ANKRD6: variants seen among roughly 807,000 people sequenced by gnomAD.
ANKRD6 encodes ankyrin repeat domain 6, also known as ankyrin repeat domain-containing protein 6.
ANKRD6 carries 56 observed loss-of-function variants against 82.3 expected under a neutral mutation model. The observed-to-expected ratio is 0.68, with a 90% CI of 0.55 to 0.85. The LOEUF (loss-of-function observed/expected upper bound fraction) is 0.85. ANKRD6 is among the 40% of genes least tolerant of loss of function. ANKRD6 has a pLI of 0.00. For missense variants in ANKRD6, 852 were observed against 907.6 expected (o/e 0.94, Z 0.79); for synonymous variants, 347 against 352.1 (o/e 0.99, Z 0.16).
intron 7 of ANKRD6, among the ~76,000 whole-genome samples, chr6:89,615,529 C>T (rs1256935980): frequency 6.6e-6 from 1 of 152,210 alleles, no homozygotes; most frequent in East Asian, 1.9e-4. Context: ...ATGAATTCAG[C>T]ATCTCTGAGA....
intron 8 of ANKRD6, 76 bp downstream of exon 8, chr6:89,616,733 C>A: frequency 7.2e-7 from 1 of 1,388,014 alleles, no homozygotes; most frequent in Non-Finnish European, 1.0e-6. Context: ...TAAACCCCTG[C>A]AGACCCCCAG....
At chr6:89,533,727 AGTGTGTGT>A (rs59064465) in intron 1 of ANKRD6, among the ~76,000 whole-genome samples, 6,199 of 142,052 alleles carry the variant, frequency 0.044, 156 homozygotes, top group Non-Finnish European at 0.051. Context: ...AGAGAAAATG[AGTGTGTGT>A]GTGTGTGTGT....
At chr6:89,469,358 A>T (rs1775198245) in intron 1 of ANKRD6, among the ~76,000 whole-genome samples, 1 of 152,142 alleles carries the variant, frequency 6.6e-6, no homozygotes, top group Admixed American at 6.5e-5. Flanking sequence ...TCCATGTCAA[A>T]TCCTTTCAAT....
intron 1 of ANKRD6, among the ~76,000 whole-genome samples, chr6:89,534,375 TAAAG>T (rs1458582801): frequency 6.6e-6 from 1 of 151,892 alleles, no homozygotes; most frequent in Non-Finnish European, 1.5e-5. Context: ...AAGAAAAGAA[TAAAG>T]AAAACCCATC....
intron 1 of ANKRD6, among the ~76,000 whole-genome samples, chr6:89,502,672 CCT>C (rs1209272658): frequency 6.6e-6 from 1 of 152,160 alleles, no homozygotes; most frequent in Non-Finnish European, 1.5e-5. Context: ...GCTTTCCTTA[CCT>C]GACGGGACCC....
chr6:89,579,398 T>A lies in ANKRD6; in HGVS notation c.120+12302T>A, dbSNP rs544806360. ...TGTGGTCCAAGTATCAGGCAGGGAG[T>A]CCTGAGTGGAAGACACAAGGCCATT... On this transcript the variant is annotated intron_variant, in intron 2 of 15. Coordinates refer to ENST00000339746, the MANE Select transcript of ANKRD6 (RefSeq NM_001242809.2). Among the ~76,000 whole-genome samples, 417 of 151,824 alleles carry A rather than the reference T, an allele frequency of 2.7e-3. 3 individuals carry two copies. The highest frequency in any genetic ancestry group is 9.4e-3 in the African/African-American group (388 of 41,392).
intron 5 of ANKRD6, among the ~76,000 whole-genome samples, chr6:89,608,774 C>T (rs936615289): frequency 1.3e-4 from 20 of 152,234 alleles, no homozygotes; most frequent in African/African-American, 4.8e-4. Flanking sequence ...ACACCTGTTC[C>T]TCTTTCCATG....
intron 5 of ANKRD6, among the ~76,000 whole-genome samples, chr6:89,607,653 G>C (rs1235314378): frequency 8.2e-6 from 1 of 121,434 alleles, no homozygotes; most frequent in Non-Finnish European, 1.7e-5. Flanking sequence ...TGGGAGAAGA[G>C]ACTTTTTTTT....
intron 1 of ANKRD6, among the ~76,000 whole-genome samples, chr6:89,434,549 C>T (rs1471028738): frequency 6.6e-6 from 1 of 152,126 alleles, no homozygotes; most frequent in Non-Finnish European, 1.5e-5. Flanking sequence ...GCTTTGACCT[C>T]CTTAGCTCAA....
At chr6:89,560,294 G>C (rs944531475) in intron 1 of ANKRD6, among the ~76,000 whole-genome samples, 8 of 152,218 alleles carry the variant, frequency 5.3e-5, no homozygotes, top group Non-Finnish European at 7.3e-5. Flanking sequence ...GGTGATGGCT[G>C]TCTTCTTGGC....
chr6:89,449,704 C>G (rs929294744), intron 1 of ANKRD6, among the ~76,000 whole-genome samples: 1 of 152,168 alleles, frequency 6.6e-6, no homozygotes, highest in Admixed American at 6.5e-5. Flanking sequence ...TTTTCAAGCA[C>G]CTTATGTGAA....
rs1251989982 is a variant in ANKRD6, at chr6:89,633,291, A to G, written c.*2287A>G. ...GAGATGGCAACATCTATTAAGACCA[A>G]TGCAATACCTTTTCATCTTCAGCAA... On this transcript the variant is annotated 3_prime_UTR_variant, in exon 16 of 16. Coordinates refer to ENST00000339746, the MANE Select transcript of ANKRD6 (RefSeq NM_001242809.2). 2.0e-5 allele frequency: 3 copies of G among 152,184 alleles called. No homozygotes were observed. The highest frequency in any genetic ancestry group is 2.1e-4 in the South Asian group (1 of 4,820). The allele number at this position is 152,184 out of a possible 1,614,324, so 9.4% of individuals were successfully genotyped here.
intron 1 of ANKRD6, among the ~76,000 whole-genome samples, chr6:89,528,069 C>T (rs141246290): frequency 9.5e-4 from 145 of 152,316 alleles, no homozygotes; most frequent in Middle Eastern, 6.8e-3. Context: ...CCTTGGCCCC[C>T]CAAAGTGCTG....
chr6:89,524,282 G>A (rs1782204299), intron 1 of ANKRD6, among the ~76,000 whole-genome samples: 2 of 152,048 alleles, frequency 1.3e-5, no homozygotes. Context: ...CCAGTGTGTA[G>A]TCCTTTATCC....
At chr6:89,567,213 A>G (rs569717217) in intron 2 of ANKRD6, 117 bp downstream of exon 2, 60 of 1,384,946 alleles carry the variant, frequency 4.3e-5, no homozygotes, top group Middle Eastern at 2.1e-4. Context: ...TTTTCTTCCA[A>G]TGATGGAGGT....
chr6:89,499,520 A>G (rs1779028449), intron 1 of ANKRD6, among the ~76,000 whole-genome samples: 2 of 152,034 alleles, frequency 1.3e-5, no homozygotes, highest in Admixed American at 1.3e-4. Context: ...GACATTATCT[A>G]GTTTAACGTT....
intron 1 of ANKRD6, among the ~76,000 whole-genome samples, chr6:89,501,890 A>G (rs1779310321): frequency 1.3e-5 from 2 of 151,966 alleles, no homozygotes; most frequent in African/African-American, 4.8e-5. Flanking sequence ...AGGAATAATA[A>G]TATGTCCCAT....
intron 10 of ANKRD6, 115 bp downstream of exon 10, chr6:89,622,141 T>C: frequency 1.2e-6 from 1 of 835,404 alleles, no homozygotes; most frequent in Non-Finnish European, 1.9e-6. Context: ...CTGCCTCTCC[T>C]CCTTGCTGGA....
chr6:89,567,661 G>A (rs1028199843), intron 2 of ANKRD6, among the ~76,000 whole-genome samples: 9 of 152,246 alleles, frequency 5.9e-5, no homozygotes, highest in African/African-American at 1.7e-4. Context: ...TTGTAGCAAA[G>A]CCAAGAAAAG....
Sources: gnomAD v4.1 joint callset for allele counts (sites outside exome capture counted in the v4.1 genomes callset) on GRCh38, gnomAD v4.1.1 for gene constraint, MANE v1.5 for transcripts, NCBI Gene and HGNC (gene_info 2026-07-23, HGNC 2026-07-21) for gene names.